CD96: variants seen among roughly 807,000 people sequenced by gnomAD.
The protein encoded by CD96 is CD96 molecule, also known as T-cell surface protein tactile.
CD96 carries 70 observed loss-of-function variants against 71.3 expected under a neutral mutation model. That is an observed-to-expected ratio of 0.98 (90% CI 0.81 to 1.20). CD96 has a LOEUF of 1.20. Ranked by LOEUF, CD96 falls within the 50% of genes most tolerant of loss-of-function variation. CD96 has a pLI of 0.00. For synonymous variants in CD96, 248 were observed against 233.0 expected, an observed-to-expected ratio of 1.06 and a Z score of -0.59; for missense variants, 742 against 677.5, an observed-to-expected ratio of 1.10 and a Z score of -1.06.
chr3:111,556,363 C>T (rs1393594551), intron 2 of CD96, among the ~76,000 whole-genome samples: 2 of 109,326 alleles, frequency 1.8e-5, no homozygotes, highest in East Asian at 6.6e-4. Flanking sequence ...CCTCCCCCCA[C>T]CCCACAACAG....
intron 10 of CD96, among the ~76,000 whole-genome samples, chr3:111,628,631 A>G (rs946523379): frequency 6.6e-6 from 1 of 152,202 alleles, no homozygotes; most frequent in Non-Finnish European, 1.5e-5. Flanking sequence ...CTAGCAATAC[A>G]AGCCAACATT....
intron 2 of CD96, among the ~76,000 whole-genome samples, chr3:111,563,610 C>T (rs1935561748): frequency 2.0e-5 from 3 of 152,108 alleles, no homozygotes; most frequent in African/African-American, 7.2e-5. Flanking sequence ...AACACATTTC[C>T]CCAGTTTTGT....
intron 14 of CD96, among the ~76,000 whole-genome samples, chr3:111,664,636 G>T (rs1023035710): frequency 6.6e-6 from 1 of 151,978 alleles, no homozygotes; most frequent in Non-Finnish European, 1.5e-5. Flanking sequence ...ACTTGTACAT[G>T]TACCCCTGTA....
chr3:111,629,462 C>A (rs968461690), intron 10 of CD96, among the ~76,000 whole-genome samples: 1 of 152,020 alleles, frequency 6.6e-6, no homozygotes, highest in African/African-American at 2.4e-5. Context: ...AACAAGAAGA[C>A]CTAATTGTCC....
At chr3:111,560,322 G>C (rs528473137) in intron 2 of CD96, among the ~76,000 whole-genome samples, 13 of 151,966 alleles carry the variant, frequency 8.6e-5, no homozygotes, top group South Asian at 8.4e-4. Context: ...TTTACATTTT[G>C]GCATGATTTT....
intron 3 of CD96, among the ~76,000 whole-genome samples, chr3:111,572,210 A>C (rs1394329200): frequency 2.0e-5 from 3 of 152,200 alleles, no homozygotes; most frequent in Admixed American, 2.0e-4. Flanking sequence ...CCAACCCTTC[A>C]TGAATAATCA....
chr3:111,631,875 GA>G (rs1367186481), intron 10 of CD96, among the ~76,000 whole-genome samples: 1 of 152,162 alleles, frequency 6.6e-6, no homozygotes, highest in Admixed American at 6.5e-5. Context: ...CAAGCAATGA[GA>G]AAAGGATTCC....
intron 8 of CD96, among the ~76,000 whole-genome samples, chr3:111,611,646 G>A (rs1409373759): frequency 6.6e-6 from 1 of 152,112 alleles, no homozygotes; most frequent in African/African-American, 2.4e-5. Flanking sequence ...AGAAAAGTCA[G>A]TGAGTGCTGG....
At chr3:111,627,407 T>A (rs1938825519) in intron 10 of CD96, among the ~76,000 whole-genome samples, 1 of 152,242 alleles carries the variant, frequency 6.6e-6, no homozygotes, top group Non-Finnish European at 1.5e-5. Flanking sequence ...ACTGCTTCTT[T>A]AAACAGACCC....
chr3:111,550,386 C>T (rs759990581), intron 2 of CD96, among the ~76,000 whole-genome samples: 18 of 151,698 alleles, frequency 1.2e-4, no homozygotes, highest in African/African-American at 3.1e-4. Flanking sequence ...TGTTCAAATG[C>T]GGGATTCTGT....
chr3:111,591,061 A>T (rs1323307267), intron 5 of CD96, among the ~76,000 whole-genome samples: 4 of 152,204 alleles, frequency 2.6e-5, no homozygotes, highest in Non-Finnish European at 5.9e-5. Flanking sequence ...GAGAGGCTAC[A>T]ATATTAATAA....
intron 6 of CD96, among the ~76,000 whole-genome samples, chr3:111,599,124 A>G (rs1280663158): frequency 6.6e-6 from 1 of 151,732 alleles, no homozygotes; most frequent in Non-Finnish European, 1.5e-5. Flanking sequence ...GCCCGCCACT[A>G]CGCCCGGCTA....
chr3:111,623,619 T>C, intron 8 of CD96, 135 bp from the exon 9 acceptor site: 1 of 684,206 alleles, frequency 1.5e-6, no homozygotes, highest in Non-Finnish European at 2.7e-6. Flanking sequence ...TTCGGTTTCA[T>C]CATTTATAAA....
intron 3 of CD96, among the ~76,000 whole-genome samples, chr3:111,570,044 G>A (rs540069666): frequency 4.2e-4 from 60 of 141,750 alleles, no homozygotes; most frequent in Non-Finnish European, 4.3e-4. Context: ...CGGTAGGCAG[G>A]AATTGGGGTG....
intron 2 of CD96, among the ~76,000 whole-genome samples, chr3:111,555,966 C>G (rs532132206): frequency 6.6e-6 from 1 of 152,400 alleles, no homozygotes; most frequent in African/African-American, 2.4e-5. Flanking sequence ...AATCCTTTTT[C>G]TCCCTTGAGA....
At chr3:111,592,256 T>A (rs1241697506) in intron 5 of CD96, among the ~76,000 whole-genome samples, 2 of 152,224 alleles carry the variant, frequency 1.3e-5, no homozygotes, top group African/African-American at 4.8e-5. Context: ...ATTTTAGGCA[T>A]ACTTTCAGCA....
rs540522733 is a variant in CD96 at position 111,546,698 on chromosome 3, G to A, written c.418+1296G>A. Among the ~76,000 whole-genome samples the A allele has an allele frequency of 2.6e-3, 390 of 152,088 alleles. 4 individuals are homozygous for A. The highest frequency in any genetic ancestry group is 8.8e-3 in the African/African-American group (363 of 41,464). The stretch of plus-strand genomic sequence containing the variant: ...GTAATATAAGAAAAAAAAATAACTC[G>A]TGAAGGTCATATTAAAGGGGGCATA... On this transcript the variant is annotated intron_variant, in intron 2 of 13. Coordinates refer to ENST00000352690, the MANE Select transcript of CD96 (RefSeq NM_005816.5).
chr3:111,648,127 CT>C (rs918820385), intron 13 of CD96, among the ~76,000 whole-genome samples: 17 of 152,042 alleles, frequency 1.1e-4, no homozygotes, highest in Non-Finnish European at 1.9e-4. Flanking sequence ...CTGCCCTTTT[CT>C]TTTTTTCCCA....
chr3:111,642,570 A>T (rs1939642246), intron 12 of CD96, among the ~76,000 whole-genome samples: 1 of 152,168 alleles, frequency 6.6e-6, no homozygotes, highest in Non-Finnish European at 1.5e-5. Flanking sequence ...GCACTTTGGG[A>T]GGCTGAAGCC....
Sources: allele counts gnomAD v4.1 joint callset (sites outside exome capture counted in the v4.1 genomes callset), GRCh38; gene constraint gnomAD v4.1.1; transcripts MANE v1.5; gene names NCBI Gene and HGNC (gene_info 2026-07-23, HGNC 2026-07-21).